Variants in RBFOX1 observed in about 807,000 individuals in gnomAD.
RBFOX1 encodes the protein RNA binding protein fox-1 homolog 1.
Under a neutral mutation model 57.7 loss-of-function variants are expected in RBFOX1, and 8 were observed. The ratio of observed to expected loss-of-function variants is 0.14; its 90% CI spans 0.08 to 0.25. The LOEUF (loss-of-function observed/expected upper bound fraction) is 0.25, where lower values mean the gene tolerates loss of function less well. Ranked by LOEUF, RBFOX1 falls within the 10% of genes least tolerant of loss-of-function variation. The pLI, the probability that RBFOX1 is intolerant of heterozygous loss-of-function variation, is 1.00. For synonymous variants in RBFOX1, 326 were observed against 222.4 expected (o/e 1.47, Z -4.15); for missense variants, 611 against 548.5 (o/e 1.11, Z -1.14).
chr16:5,819,598 T>G (rs560765313), intron 3 of RBFOX1, among the ~76,000 whole-genome samples: 2 of 152,328 alleles, frequency 1.3e-5, no homozygotes, highest in East Asian at 3.9e-4. Context: ...GCCATTTACC[T>G]CTTGGAAGAC....
chr16:7,513,048 G>C (rs2075523597), intron 4 of RBFOX1, among the ~76,000 whole-genome samples: 1 of 150,192 alleles, frequency 6.7e-6, no homozygotes, highest in African/African-American at 2.5e-5. Context: ...TGGATCACTT[G>C]AGGCCAGCAG....
chr16:5,979,880 A>G (rs1840182269), intron 4 of RBFOX1, among the ~76,000 whole-genome samples: 1 of 152,146 alleles, frequency 6.6e-6, no homozygotes, highest in Non-Finnish European at 1.5e-5. Flanking sequence ...AAGAAATTAA[A>G]GTGTATTTAA....
chr16:5,559,287 A>T (rs1303103141), intron 2 of RBFOX1, among the ~76,000 whole-genome samples: 1 of 151,382 alleles, frequency 6.6e-6, no homozygotes, highest in Non-Finnish European at 1.5e-5. Flanking sequence ...CATGGTTTGT[A>T]TATTTTTTGA....
At position 6,179,697 on chromosome 16, in the gene RBFOX1, T is replaced by C. The variant is rs148101353; in HGVS notation, c.-126-137298T>C. Among the ~76,000 whole-genome samples the C allele has an allele frequency of 3.5e-4, 54 of 152,322 alleles. No individual in the cohort carries two copies. The East Asian group carries it at 7.5e-3, about 21-fold the overall frequency. ...CTTTCCCCACCCTTTCCTATTATTA[T>C]TGTTGTTATTGTTAATATTTATACA... On this transcript the variant is annotated intron_variant, in intron 1 of 15. Coordinates refer to ENST00000550418, the MANE Select transcript of RBFOX1 (RefSeq NM_018723.4).
chr16:6,492,474 C>G (rs2095655306), intron 2 of RBFOX1, among the ~76,000 whole-genome samples: 1 of 152,254 alleles, frequency 6.6e-6, no homozygotes, highest in Non-Finnish European at 1.5e-5. Context: ...GAGGCTGAGG[C>G]AGGAGAATCG....
intron 1 of RBFOX1, among the ~76,000 whole-genome samples, chr16:6,194,956 A>G (rs563889680): frequency 1.3e-5 from 2 of 152,288 alleles, no homozygotes; most frequent in African/African-American, 2.4e-5. Context: ...AACCAACCCT[A>G]TTTAACTTAC....
chr16:5,364,312 C>G (rs1277800403), intron 1 of RBFOX1, among the ~76,000 whole-genome samples: 1 of 152,212 alleles, frequency 6.6e-6, no homozygotes, highest in East Asian at 1.9e-4. Context: ...CATAGAGTCC[C>G]TGGCTAGGCT....
intron 2 of RBFOX1, among the ~76,000 whole-genome samples, chr16:6,373,032 G>A (rs1329168134): frequency 2.0e-5 from 3 of 151,750 alleles, no homozygotes; most frequent in African/African-American, 7.3e-5. Flanking sequence ...GTGGAATGGA[G>A]ATTCAGTGGC....
At chr16:5,660,289 C>A (rs1454789880) in intron 3 of RBFOX1, among the ~76,000 whole-genome samples, 1 of 152,170 alleles carries the variant, frequency 6.6e-6, no homozygotes, top group South Asian at 2.1e-4. Context: ...CCCTAGATCC[C>A]TGTTGAGTCT....
At chr16:7,525,588 G>A (rs1259271890) in intron 5 of RBFOX1, among the ~76,000 whole-genome samples, 2 of 152,184 alleles carry the variant, frequency 1.3e-5, no homozygotes, top group African/African-American at 2.4e-5. Flanking sequence ...CAATGTGCTA[G>A]CCAACTCTTG....
chr16:7,436,781 G>A (rs1157013012), intron 4 of RBFOX1, among the ~76,000 whole-genome samples: 1 of 152,170 alleles, frequency 6.6e-6, no homozygotes, highest in East Asian at 1.9e-4. Context: ...TAAAATCTCA[G>A]CCTGGTGCAG....
chr16:6,941,427 C>T (rs987082204), intron 3 of RBFOX1, among the ~76,000 whole-genome samples: 6 of 151,070 alleles, frequency 4.0e-5, no homozygotes, highest in African/African-American at 1.2e-4. Context: ...ATTAGGAAAT[C>T]CCTAATTTAA....
chr16:5,463,789 G>C (rs972551203), intron 1 of RBFOX1, among the ~76,000 whole-genome samples: 1 of 145,780 alleles, frequency 6.9e-6, no homozygotes, highest in Non-Finnish European at 1.5e-5. Context: ...GACAGAGTGA[G>C]ACTGTCTCGA....
At chr16:7,678,571 A>G (rs554129681) in intron 14 of RBFOX1, among the ~76,000 whole-genome samples, 1 of 152,266 alleles carries the variant, frequency 6.6e-6, no homozygotes, top group South Asian at 2.1e-4. Flanking sequence ...AGAATCTTAA[A>G]CAGATTTGAT....
intron 2 of RBFOX1, among the ~76,000 whole-genome samples, chr16:6,633,480 G>A (rs2098406523): frequency 6.6e-6 from 1 of 151,992 alleles, no homozygotes. Flanking sequence ...TTTTAGTAGA[G>A]ATGGGTTTTC....
chr16:5,712,257 C>T (rs182913624), intron 3 of RBFOX1, among the ~76,000 whole-genome samples: 1 of 152,286 alleles, frequency 6.6e-6, no homozygotes, highest in Admixed American at 6.5e-5. Flanking sequence ...TGAGTGGGGA[C>T]ACGAAGCCAA....
At chr16:6,407,213 A>C (rs1482062891) in intron 2 of RBFOX1, among the ~76,000 whole-genome samples, 2 of 152,160 alleles carry the variant, frequency 1.3e-5, no homozygotes, top group Non-Finnish European at 2.9e-5. Context: ...CTATATTTAT[A>C]TACCTACATC....
chr16:6,561,843 G>A (rs1267549615), intron 2 of RBFOX1, among the ~76,000 whole-genome samples: 1 of 152,152 alleles, frequency 6.6e-6, no homozygotes, highest in Admixed American at 6.5e-5. Flanking sequence ...TGGCCTTGGA[G>A]GAATCCACAA....
chr16:5,271,566 C>T (rs1162207669), intron 1 of RBFOX1, among the ~76,000 whole-genome samples: 1 of 152,356 alleles, frequency 6.6e-6, no homozygotes, highest in South Asian at 2.1e-4. Flanking sequence ...CTTAAGGAGA[C>T]CTGACTGCGC....
Sources: allele counts gnomAD v4.1 joint callset (sites outside exome capture counted in the v4.1 genomes callset), GRCh38; gene constraint gnomAD v4.1.1; transcripts MANE v1.5; gene names NCBI Gene and HGNC (gene_info 2026-07-23, HGNC 2026-07-21).